MYEF2: variants seen among roughly 807,000 people sequenced by gnomAD.
MYEF2 encodes the protein myelin expression factor 2.
A neutral mutation model predicts 75.2 loss-of-function variants in MYEF2; 37 were observed. The observed-to-expected ratio is 0.49, with a 90% CI of 0.38 to 0.65. The LOEUF is 0.65. Ranked by LOEUF, MYEF2 falls within the 30% of genes least tolerant of loss-of-function variation. The pLI is 0.00. For missense variants in MYEF2, 634 were observed against 771.4 expected, an observed-to-expected ratio of 0.82 and a Z score of 2.11; for synonymous variants, 195 against 241.6, an observed-to-expected ratio of 0.81 and a Z score of 1.79.
At position 48,177,957 on chromosome 15, in the gene MYEF2, C is replaced by T. The variant is rs1675817995; in HGVS notation, c.161+120G>A. The T allele has an allele frequency of 2.2e-6, 3 of 1,345,514 alleles. No individual in the cohort carries two copies. The Admixed American group carries it at 7.1e-5, about 32-fold the overall frequency. The allele number at this position is 1,345,514 out of a possible 1,614,324, so 83.3% of individuals were successfully genotyped here. A position where few individuals can be genotyped will look rare whatever the true frequency, so the allele number is the denominator to read the frequency against. On this transcript the variant is annotated intron_variant, in intron 1 of 16. Transcript: ENST00000324324. ...ACCTGCTCCTCAGGAAGCCGATGGCCCGGGGGCGGGCCGGGGTCTGGGGGT... is the reference window on the plus strand; with the variant it reads ...ACCTGCTCCTCAGGAAGCCGATGGCTCGGGGGCGGGCCGGGGTCTGGGGGT...
chr15:48,166,158 C>G (rs930121315), intron 3 of MYEF2, 30 bp from the exon 4 acceptor site: 1 of 1,539,118 alleles, frequency 6.5e-7, no homozygotes. Flanking sequence ...TCAAAATATG[C>G]AAAAGAAAAA....
chr15:48,158,527 T>A (rs544787730), intron 7 of MYEF2, among the ~76,000 whole-genome samples: 13 of 152,260 alleles, frequency 8.5e-5, no homozygotes, highest in Non-Finnish European at 1.3e-4. Context: ...ATGTATACAA[T>A]TAATTGTGGT....
At chr15:48,143,099 A>G in intron 16 of MYEF2, 28 bp from the exon 17 acceptor site, 1 of 1,463,914 alleles carries the variant, frequency 6.8e-7, no homozygotes. Context: ...CAGAATTACT[A>G]GTCAGTTTAA....
Position 48,141,848 on chromosome 15 carries a change from A to T in MYEF2, c.*1060T>A. ...ATATAATTATTAAATAAATGTTAAG[A>T]CTTTAAATACTAACCCAAGAAAAAT... On this transcript the variant is annotated 3_prime_UTR_variant, in exon 17 of 17. Coordinates refer to ENST00000324324, the MANE Select transcript of MYEF2 (RefSeq NM_016132.5). 1 of 417,450 alleles carries T rather than the reference A, an allele frequency of 2.4e-6. No individual in the cohort carries two copies. The highest frequency in any genetic ancestry group is 7.1e-5 in the South Asian group (1 of 13,992). The allele number at this position is 417,450 out of a possible 1,614,324, so 25.9% of individuals were successfully genotyped here.
chr15:48,155,601 G>A (rs1322500261), intron 9 of MYEF2, among the ~76,000 whole-genome samples: 1 of 151,470 alleles, frequency 6.6e-6, no homozygotes, highest in Non-Finnish European at 1.5e-5. Context: ...CCATATGGTA[G>A]GCCATCCATA....
At position 48,142,624 on chromosome 15, in the gene MYEF2, C is replaced by T. The variant is rs1383734945; in HGVS notation, c.*284G>A. The T allele has an allele frequency of 4.3e-5, 19 of 442,016 alleles. No individual in the cohort carries two copies. In the East Asian group the frequency reaches 6.2e-4, roughly 15 times the overall value. The allele number at this position is 442,016 out of a possible 1,614,324, so 27.4% of individuals were successfully genotyped here. ...ACTGGAGAAACTAGAACAAACAAAT[C>T]CAACTATGTAGTACTGAAAACAACA... On this transcript the variant is annotated 3_prime_UTR_variant, in exon 17 of 17. Coordinates refer to ENST00000324324, the MANE Select transcript of MYEF2 (RefSeq NM_016132.5).
At chr15:48,152,316 T>C (rs1365170281) in intron 10 of MYEF2, 32 bp from the exon 11 acceptor site, 5 of 1,554,806 alleles carry the variant, frequency 3.2e-6, no homozygotes, top group South Asian at 1.1e-5. Context: ...GTACTTTAAG[T>C]ATATTTTATT....
chr15:48,141,864 C>A lies in MYEF2; in HGVS notation c.*1044G>T. On this transcript the variant is annotated 3_prime_UTR_variant, in exon 17 of 17. Coordinates refer to ENST00000324324, the MANE Select transcript of MYEF2 (RefSeq NM_016132.5). The stretch of plus-strand genomic sequence containing the variant: ...AATGTTAAGACTTTAAATACTAACC[C>A]AAGAAAAATTTAAAAATACAAATTC... 1 of 461,952 alleles carries A rather than the reference C, an allele frequency of 2.2e-6. No homozygotes were observed. Among genetic ancestry groups the A allele is most frequent in the Non-Finnish European group, 3.8e-6 (1 of 265,268 alleles). The allele number at this position is 461,952 out of a possible 1,614,324, so 28.6% of individuals were successfully genotyped here.
chr15:48,134,701 G>A lies in MYEF2; in HGVS notation c.*8207C>T. On this transcript the variant is annotated 3_prime_UTR_variant, in exon 17 of 17. Coordinates refer to ENST00000324324, the MANE Select transcript of MYEF2 (RefSeq NM_016132.5). ...TCAATTTAATGTTAATCCACAAATA[G>A]CTCTTGGTCAGATTTATGAAAGTCT... is the stretch of plus-strand genomic sequence containing the variant. 5.6e-6 allele frequency: 4 copies of A among 715,060 alleles called. No individual in the cohort carries two copies. The South Asian group carries it at 8.0e-5, about 14-fold the overall frequency. The allele number at this position is 715,060 out of a possible 1,614,324, so 44.3% of individuals were successfully genotyped here.
In MYEF2 at chr15:48,143,031, CT is replaced by C; in HGVS notation, c.1679del (p.Lys560SerfsTer22). 6.3e-7 allele frequency: 1 copy of C among 1,581,294 alleles called. No homozygotes were observed. The highest frequency in any genetic ancestry group is 8.6e-7 in the Non-Finnish European group (1 of 1,166,854). On this transcript the variant is annotated frameshift_variant, in exon 17 of 17. Transcript: ENST00000324324. LOFTEE classifies it high-confidence loss of function. ...ATCTGACTGTTCCACAGCCTTTTGA[CT>C]TTCCATTCTCCATTTTTATTTCTGC... is the stretch of plus-strand genomic sequence containing the variant. ...MFAEIKMENGKSKGCGTVRFD... is the reference protein window; with the variant it reads ...MFAEIKMENGXSKGCGTVRFD...
At position 48,141,440 on chromosome 15, in the gene MYEF2, G is replaced by T; in HGVS notation, c.*1468C>A. 3.0e-6 allele frequency: 1 copy of T among 328,270 alleles called. No homozygotes were observed. Among genetic ancestry groups the T allele is most frequent in the East Asian group, 6.7e-5 (1 of 14,962 alleles). The allele number at this position is 328,270 out of a possible 1,614,324, so 20.3% of individuals were successfully genotyped here. On this transcript the variant is annotated 3_prime_UTR_variant, in exon 17 of 17. Coordinates refer to ENST00000324324, the MANE Select transcript of MYEF2 (RefSeq NM_016132.5). ...AAAAATACAAAAATTAGCCGGGCGTGGTGGCATGTGCCTGTAATCCCAGCT... is the reference window on the plus strand; with the variant it reads ...AAAAATACAAAAATTAGCCGGGCGTTGTGGCATGTGCCTGTAATCCCAGCT...
intron 5 of MYEF2, among the ~76,000 whole-genome samples, chr15:48,163,631 G>C (rs1032407737): frequency 3.9e-5 from 6 of 152,166 alleles, no homozygotes; most frequent in Admixed American, 3.9e-4. Context: ...AGGACTTTCA[G>C]AGTTAGAAGG....
chr15:48,160,486 T>TACACACACACACACACACAC (rs372090273), intron 5 of MYEF2, among the ~76,000 whole-genome samples: 1 of 139,218 alleles, frequency 7.2e-6, no homozygotes, highest in African/African-American at 2.6e-5. Context: ...AAACCAAACA[T>TACACACACACACACACACAC]ACACACACAC....
At chr15:48,171,213 G>T (rs1443088966) in intron 1 of MYEF2, among the ~76,000 whole-genome samples, 3 of 152,214 alleles carry the variant, frequency 2.0e-5, no homozygotes, top group Non-Finnish European at 4.4e-5. Flanking sequence ...AATAGGCTTA[G>T]ATGAATTCAG....
intron 1 of MYEF2, among the ~76,000 whole-genome samples, chr15:48,175,322 G>T (rs955960370): frequency 6.6e-6 from 1 of 152,090 alleles, no homozygotes; most frequent in Admixed American, 6.5e-5. Context: ...GGGCAGCAGG[G>T]GATGGGGAAA....
intron 1 of MYEF2, among the ~76,000 whole-genome samples, chr15:48,170,370 C>T (rs952745162): frequency 1.3e-5 from 2 of 152,056 alleles, no homozygotes; most frequent in African/African-American, 2.4e-5. Context: ...TGGTGATCCA[C>T]CCGCCTCGGC....
chr15:48,142,819 T>C lies in MYEF2; in HGVS notation c.*89A>G. The C allele has an allele frequency of 7.9e-7, 1 of 1,267,396 alleles. No individual in the cohort carries two copies. 78.5% of individuals were successfully genotyped at this position (1,267,396 alleles called of 1,614,324 possible). A position where few individuals can be genotyped will look rare whatever the true frequency, so the allele number is the denominator to read the frequency against. Reference sequence around the variant, plus strand: ...TTTAAAAGTTCATTTTTACAGCTTTTGTAAGCATACAATATTACTTTAAAA... The same window carrying C: ...TTTAAAAGTTCATTTTTACAGCTTTCGTAAGCATACAATATTACTTTAAAA... On this transcript the variant is annotated 3_prime_UTR_variant, in exon 17 of 17. Transcript: ENST00000324324.
In MYEF2 at chr15:48,158,772, T is replaced by C. The variant is rs2039809864; in HGVS notation, c.868A>G (p.Ile290Val). 6.2e-7 allele frequency: 1 copy of C among 1,613,336 alleles called. No individual in the cohort carries two copies. The highest frequency in any genetic ancestry group is 1.3e-5 in the African/African-American group (1 of 74,892). ...FEQAIEAVQA[I>V]SMFNGQFLFD... ...GCTGAAATGTAAATCAGGATACAAA[T>C]TGCTTGAACTGCTTCAATTGCTTGC... Residue 290 changes from isoleucine (I) to valine (V), a missense_variant, in exon 7 of 17, where the codon ATT becomes GTT. Coordinates refer to ENST00000324324, the MANE Select transcript of MYEF2 (RefSeq NM_016132.5).
intron 11 of MYEF2, 102 bp from the exon 12 acceptor site, chr15:48,152,044 T>C (rs1407013264): frequency 6.4e-6 from 8 of 1,256,102 alleles, no homozygotes; most frequent in Non-Finnish European, 9.3e-6. Context: ...TCATCCACCC[T>C]ACCTTGTGCA....
Sources: gnomAD v4.1 joint callset for allele counts (sites outside exome capture counted in the v4.1 genomes callset) on GRCh38, gnomAD v4.1.1 for gene constraint, MANE v1.5 for transcripts, NCBI Gene and HGNC (gene_info 2026-07-23, HGNC 2026-07-21) for gene names.